Variants in TMEM192 observed in about 807,000 individuals in gnomAD.
TMEM192 encodes the protein transmembrane protein 192.
In TMEM192, 20 loss-of-function variants were observed where a neutral mutation model predicts 26.7. That is an observed-to-expected ratio of 0.75 (90% CI 0.53 to 1.09). The LOEUF is 1.09. Among genes scored for constraint, TMEM192 ranks in the 50% least tolerant of loss-of-function variants. TMEM192 has a pLI of 0.00. For synonymous variants in TMEM192, 124 were observed against 121.0 expected (o/e 1.02, Z -0.16); for missense variants, 304 against 322.6 (o/e 0.94, Z 0.44).
chr4:165,094,716 T>G (rs1734853420), intron 3 of TMEM192, among the ~76,000 whole-genome samples: 2 of 151,758 alleles, frequency 1.3e-5, no homozygotes, highest in Non-Finnish European at 2.9e-5. Flanking sequence ...GGCTCACGCC[T>G]GTAATCCCAA....
rs896793752 is a variant in TMEM192, at chr4:165,094,836, T to C, written c.439+5792A>G. Among the ~76,000 whole-genome samples, 9 of 149,672 alleles carry C rather than the reference T, an allele frequency of 6.0e-5. No individual in the cohort carries two copies. The East Asian group carries it at 1.8e-3, about 30-fold the overall frequency. ...CTAAAAATACAAAATTAGCTGGGCA[T>C]GGTAGCGCACACCTGTAATCCCAGC... On this transcript the variant is annotated intron_variant, in intron 3 of 5. Transcript: ENST00000306480.
chr4:165,109,147 T>C lies in TMEM192; in HGVS notation c.27+3600A>G, dbSNP rs1289002384. Among the ~76,000 whole-genome samples the C allele has an allele frequency of 2.0e-5, 3 of 152,164 alleles. No individual in the cohort carries two copies. The East Asian group carries it at 5.8e-4, about 29-fold the overall frequency. On this transcript the variant is annotated intron_variant, in intron 1 of 5. Transcript: ENST00000306480. ...TCCCTACTGAACTCTCTTACATCTG[T>C]ATCTGTATCATAACCTACCATACTA...
intron 1 of TMEM192, among the ~76,000 whole-genome samples, chr4:165,106,146 C>T (rs1342587890): frequency 6.6e-6 from 1 of 152,170 alleles, no homozygotes; most frequent in Non-Finnish European, 1.5e-5. Context: ...TTGTATTTTA[C>T]TATAGCAACC....
Position 165,112,727 on chromosome 4 carries a change from C to T in TMEM192, c.27+20G>A, listed in dbSNP as rs773400336. 4 of 1,608,910 alleles carry T rather than the reference C, an allele frequency of 2.5e-6. No homozygotes were observed. The highest frequency in any genetic ancestry group is 3.4e-6 in the Non-Finnish European group (4 of 1,179,162). On this transcript the variant is annotated intron_variant, in intron 1 of 5. Coordinates refer to ENST00000306480, the MANE Select transcript of TMEM192 (RefSeq NM_001100389.2). Reference sequence around the variant, plus strand: ...AAAGCGGATTCCGGGGCCAACCGCCCGCCGCCTCCGTGCACTCACGTCCTC... The same window carrying T: ...AAAGCGGATTCCGGGGCCAACCGCCTGCCGCCTCCGTGCACTCACGTCCTC...
chr4:165,108,388 CG>C (rs1361876386), intron 1 of TMEM192, among the ~76,000 whole-genome samples: 3 of 151,866 alleles, frequency 2.0e-5, no homozygotes, highest in Admixed American at 1.3e-4. Flanking sequence ...CTCAAAGTGC[CG>C]GGATTACAGG....
chr4:165,106,977 C>T (rs538037049), intron 1 of TMEM192, among the ~76,000 whole-genome samples: 26 of 152,190 alleles, frequency 1.7e-4, no homozygotes, highest in Non-Finnish European at 2.4e-4. Context: ...CTTAGTCTAT[C>T]GCTTTACAAT....
chr4:165,086,997 C>A (rs1734633441), intron 4 of TMEM192, among the ~76,000 whole-genome samples: 1 of 151,932 alleles, frequency 6.6e-6, no homozygotes, highest in African/African-American at 2.4e-5. Context: ...GCCTATAATC[C>A]CAGCCACTCA....
At chr4:165,099,846 G>A (rs1734998370) in intron 3 of TMEM192, among the ~76,000 whole-genome samples, 1 of 152,154 alleles carries the variant, frequency 6.6e-6, no homozygotes, top group Admixed American at 6.6e-5. Flanking sequence ...CTACTCAGGA[G>A]GCTGAGGTGG....
intron 1 of TMEM192, among the ~76,000 whole-genome samples, chr4:165,112,318 T>A (rs920869599): frequency 5.3e-5 from 8 of 152,132 alleles, no homozygotes; most frequent in Non-Finnish European, 1.0e-4. Flanking sequence ...GAAGGGAGAT[T>A]CGCCCCCTGT....
intron 1 of TMEM192, among the ~76,000 whole-genome samples, chr4:165,105,035 G>C (rs1342645697): frequency 6.6e-6 from 1 of 152,066 alleles, no homozygotes; most frequent in Non-Finnish European, 1.5e-5. Context: ...CCACCACAGG[G>C]CCTTTCTGGA....
intron 3 of TMEM192, among the ~76,000 whole-genome samples, chr4:165,095,366 C>G (rs1413958681): frequency 6.6e-6 from 1 of 152,176 alleles, no homozygotes; most frequent in Non-Finnish European, 1.5e-5. Flanking sequence ...AGATGCTATG[C>G]TACAGGAGAG....
intron 1 of TMEM192, among the ~76,000 whole-genome samples, chr4:165,104,549 G>C (rs1475297002): frequency 1.3e-5 from 2 of 152,092 alleles, no homozygotes; most frequent in African/African-American, 4.8e-5. Flanking sequence ...GTTTGTTTTT[G>C]AGATGGAATC....
In TMEM192 at chr4:165,079,575, T is replaced by G; in HGVS notation, c.*83A>C. The stretch of plus-strand genomic sequence containing the variant: ...AAATGCTATTCAGCAAAAGCTGCAG[T>G]TCCCCGTGGCAGCTTGTCAGGTGGT... On this transcript the variant is annotated 3_prime_UTR_variant, in exon 6 of 6. Coordinates refer to ENST00000306480, the MANE Select transcript of TMEM192 (RefSeq NM_001100389.2). The G allele has an allele frequency of 6.9e-7, 1 of 1,451,520 alleles. No homozygotes were observed. Among genetic ancestry groups the G allele is most frequent in the Non-Finnish European group, 9.3e-7 (1 of 1,081,010 alleles). The allele number at this position is 1,451,520 out of a possible 1,614,324, so 89.9% of individuals were successfully genotyped here.
chr4:165,085,942 T>G (rs1203903678), intron 4 of TMEM192, among the ~76,000 whole-genome samples: 1 of 152,164 alleles, frequency 6.6e-6, no homozygotes, highest in Non-Finnish European at 1.5e-5. Flanking sequence ...CCTCATTCAG[T>G]TCTCATAAAC....
intron 3 of TMEM192, among the ~76,000 whole-genome samples, chr4:165,089,663 G>C (rs12498760): frequency 2.0e-5 from 3 of 151,822 alleles, no homozygotes; most frequent in African/African-American, 7.3e-5. Flanking sequence ...CTTTGGGAGA[G>C]AGGAGTCTAG....
At chr4:165,095,488 G>A (rs775741948) in intron 3 of TMEM192, among the ~76,000 whole-genome samples, 3 of 152,030 alleles carry the variant, frequency 2.0e-5, no homozygotes, top group Non-Finnish European at 2.9e-5. Context: ...AAAGAATGTG[G>A]GCCATGAGAA....
At chr4:165,111,226 TG>T (rs1212899887) in intron 1 of TMEM192, among the ~76,000 whole-genome samples, 1 of 152,182 alleles carries the variant, frequency 6.6e-6, no homozygotes, top group Admixed American at 6.6e-5. Flanking sequence ...CCCCAGTATC[TG>T]GGATTACAGG....
intron 1 of TMEM192, among the ~76,000 whole-genome samples, chr4:165,108,431 A>G (rs771442524): frequency 1.9e-4 from 29 of 151,930 alleles, no homozygotes; most frequent in African/African-American, 7.0e-4. Flanking sequence ...ATTTTCTGTA[A>G]TCCTATATTC....
chr4:165,112,806 C>T lies in TMEM192; in HGVS notation c.-33G>A. ...CGCCGGAGGCCGAAGCCCTGGCCAGCCCGGCCTCTCCACCTGGACCTGTAA... is the reference window on the plus strand; with the variant it reads ...CGCCGGAGGCCGAAGCCCTGGCCAGTCCGGCCTCTCCACCTGGACCTGTAA... On this transcript the variant is annotated 5_prime_UTR_variant, in exon 1 of 6. Transcript: ENST00000306480. 6.2e-7 allele frequency: 1 copy of T among 1,601,584 alleles called. No homozygotes were observed. Among genetic ancestry groups the T allele is most frequent in the Non-Finnish European group, 8.5e-7 (1 of 1,177,700 alleles).
Sources: allele counts gnomAD v4.1 joint callset (sites outside exome capture counted in the v4.1 genomes callset), GRCh38; gene constraint gnomAD v4.1.1; transcripts MANE v1.5; gene names NCBI Gene and HGNC (gene_info 2026-07-23, HGNC 2026-07-21).